ANXA11: variants seen among roughly 807,000 people sequenced by gnomAD.
ANXA11 encodes the protein annexin A11.
ANXA11 carries 57 observed loss-of-function variants against 64.7 expected under a neutral mutation model. That is an observed-to-expected ratio of 0.88 (90% CI 0.71 to 1.10). The LOEUF is 1.10. Among genes scored for constraint, ANXA11 ranks in the 50% least tolerant of loss-of-function variants. The pLI, the probability that ANXA11 is intolerant of heterozygous loss-of-function variation, is 0.00. For synonymous variants in ANXA11, 260 were observed against 265.2 expected (o/e 0.98, Z 0.19); for missense variants, 675 against 670.7 (o/e 1.01, Z -0.07).
chr10:80,166,038 GC>G, intron 8 of ANXA11, 45 bp downstream of exon 8: 1 of 557,396 alleles, frequency 1.8e-6, no homozygotes, highest in Non-Finnish European at 2.7e-6. Context: ...GCGCACACAC[GC>G]GCGCACACAC....
chr10:80,179,775 T>C (rs1459739085), intron 1 of ANXA11, among the ~76,000 whole-genome samples: 1 of 152,192 alleles, frequency 6.6e-6, no homozygotes, highest in East Asian at 1.9e-4. Flanking sequence ...GGATGCTAAA[T>C]TAAAATGCTA....
At chr10:80,197,860 C>T (rs1392508500) in intron 1 of ANXA11, among the ~76,000 whole-genome samples, 2 of 151,768 alleles carry the variant, frequency 1.3e-5, no homozygotes, top group Admixed American at 6.6e-5. Flanking sequence ...GGAGGCAGAG[C>T]TTGCAGTGAG....
intron 1 of ANXA11, among the ~76,000 whole-genome samples, chr10:80,193,313 C>T (rs1846848954): frequency 6.6e-6 from 1 of 152,092 alleles, no homozygotes; most frequent in South Asian, 2.1e-4. Context: ...AATTAAGAAA[C>T]AGTCATATAA....
chr10:80,159,208 C>T lies in ANXA11; in HGVS notation c.1181-13G>A. 6.2e-7 allele frequency: 1 copy of T among 1,608,214 alleles called. No homozygotes were observed. The highest frequency in any genetic ancestry group is 8.5e-7 in the Non-Finnish European group (1 of 1,174,740). On this transcript the variant is annotated splice_polypyrimidine_tract_variant and intron_variant, in intron 12 of 15. Transcript: ENST00000422982. ...TACTCATTGAAAACTATGGGGATGA[C>T]AGAGGCTTATATTATGAACTGAAAT...
chr10:80,186,641 C>T (rs72809515), intron 1 of ANXA11, among the ~76,000 whole-genome samples: 2,396 of 152,314 alleles, frequency 0.016, 26 homozygotes, highest in Non-Finnish European at 0.025. Context: ...TCCAACCCTG[C>T]GGGCACCAGA....
Position 80,153,453 on chromosome 10 carries a change from C to A in ANXA11, c.*2400G>T, listed in dbSNP as rs941235841. 1 of 152,262 alleles carries A rather than the reference C, an allele frequency of 6.6e-6. No individual in the cohort carries two copies. Among genetic ancestry groups the A allele is most frequent in the Non-Finnish European group, 1.5e-5 (1 of 68,064 alleles). 9.4% of individuals were successfully genotyped at this position (152,262 alleles called of 1,614,324 possible). A position where few individuals can be genotyped will look rare whatever the true frequency, so the allele number is the denominator to read the frequency against. On this transcript the variant is annotated 3_prime_UTR_variant, in exon 16 of 16. Transcript: ENST00000422982. ...TGTAGGTGCAATATTGCCTGCTGGG[C>A]ACCAGGCTGGGAACTTTGGAGTAAA...
At chr10:80,184,207 A>AT (rs1491304670) in intron 1 of ANXA11, among the ~76,000 whole-genome samples, 1 of 152,204 alleles carries the variant, frequency 6.6e-6, no homozygotes, top group Non-Finnish European at 1.5e-5. Context: ...GTAACTGTTC[A>AT]TATCTCTAAA....
intron 12 of ANXA11, among the ~76,000 whole-genome samples, chr10:80,160,414 G>A (rs1205283900): frequency 6.6e-6 from 1 of 152,198 alleles, no homozygotes; most frequent in Non-Finnish European, 1.5e-5. Flanking sequence ...CCCTGTGCCT[G>A]CTTTCACAGC....
intron 12 of ANXA11, 79 bp downstream of exon 12, chr10:80,161,856 G>T: frequency 7.9e-7 from 1 of 1,272,474 alleles, no homozygotes; most frequent in Non-Finnish European, 1.1e-6. Context: ...ACGACCAAGT[G>T]TTCCCATAGC....
In ANXA11 at chr10:80,163,614, C is replaced by G. The variant is rs1029971272; in HGVS notation, c.950-1G>C. Reference sequence around the variant, plus strand: ...GCCTCTTCCAGGGTCTTTTTGAATTCTGAAAGGGAGAAGCAAGGAAGGTCC... The same window carrying G: ...GCCTCTTCCAGGGTCTTTTTGAATTGTGAAAGGGAGAAGCAAGGAAGGTCC... On this transcript the variant is annotated splice_acceptor_variant, in intron 9 of 15. Coordinates refer to ENST00000422982, the MANE Select transcript of ANXA11 (RefSeq NM_145868.2). LOFTEE classifies it high-confidence loss of function. The G allele has an allele frequency of 6.4e-7, 1 of 1,552,370 alleles. No homozygotes were observed. Among genetic ancestry groups the G allele is most frequent in the African/African-American group, 1.4e-5 (1 of 73,246 alleles).
rs1480059528 is a variant in ANXA11, at chr10:80,157,990, C to T, written c.1312G>A (p.Glu438Lys). 1 of 1,614,016 alleles carries T rather than the reference C, an allele frequency of 6.2e-7. No individual in the cohort carries two copies. The highest frequency in any genetic ancestry group is 1.3e-5 in the African/African-American group (1 of 74,910). Residue 438 changes from glutamate to lysine, a missense_variant, in exon 14 of 16, where the codon GAG (glutamate) becomes AAG (lysine). Transcript: ENST00000422982. ...CLKNTPAFFAERLNKAMRGAG... is the reference protein window; with the variant it reads ...CLKNTPAFFAKRLNKAMRGAG... ...ACCCTCATGGCCTTGTTGAGCCTCT[C>T]CGCAAAGAAGGCTGGGGTATTCTTG... is the stretch of plus-strand genomic sequence containing the variant.
Position 80,164,055 on chromosome 10 carries a change from G to C in ANXA11, c.947C>G (p.Ala316Gly). 3 of 1,613,876 alleles carry C rather than the reference G, an allele frequency of 1.9e-6. 1 individual carries two copies. The highest frequency in any genetic ancestry group is 2.5e-6 in the Non-Finnish European group (3 of 1,179,780). ...GAGGGCAGAGGGAGCGGCCTCACCT[G>C]CTTTGTAGGCTCTGTTTAATTCTCG... ...HIRELNRAYK[A>G]EFKKTLEEAI... Residue 316 changes from alanine to glycine, a missense_variant and splice_region_variant, in exon 9 of 16, where the codon GCA (alanine) becomes GGA (glycine). Ala to Gly is a moderately conservative substitution (Grantham distance 60). Transcript: ENST00000422982.
chr10:80,203,507 G>A (rs1445381824), intron 1 of ANXA11, among the ~76,000 whole-genome samples: 1 of 152,080 alleles, frequency 6.6e-6, no homozygotes, highest in African/African-American at 2.4e-5. Flanking sequence ...ACTTCCCTGT[G>A]CTGTCTCTGT....
chr10:80,173,349 C>A (rs555615426), intron 2 of ANXA11, among the ~76,000 whole-genome samples: 1 of 152,354 alleles, frequency 6.6e-6, no homozygotes, highest in African/African-American at 2.4e-5. Context: ...CTTCATTCTC[C>A]AACCTCTGGT....
At chr10:80,171,511 TG>T in intron 3 of ANXA11, 1 of 663,562 alleles carries the variant, frequency 1.5e-6, no homozygotes, top group Non-Finnish European at 1.9e-6. Context: ...GTATGTGCCC[TG>T]GGGCAAGGCT....
chr10:80,157,274 G>T (rs927955655), intron 15 of ANXA11: 2 of 985,450 alleles, frequency 2.0e-6, no homozygotes, highest in Non-Finnish European at 2.4e-6. Context: ...GCTGAGTGCA[G>T]GAAGTGCTTT....
At chr10:80,161,431 T>A (rs1367023025) in intron 12 of ANXA11, among the ~76,000 whole-genome samples, 1 of 152,250 alleles carries the variant, frequency 6.6e-6, no homozygotes, top group Non-Finnish European at 1.5e-5. Context: ...ATACAGATTT[T>A]ATTTCATTGT....
chr10:80,203,062 A>G (rs1488656738), intron 1 of ANXA11, among the ~76,000 whole-genome samples: 1 of 151,568 alleles, frequency 6.6e-6, no homozygotes, highest in Admixed American at 6.6e-5. Context: ...AAAAAAAAAA[A>G]AAAGACAGCA....
At chr10:80,176,960 T>C (rs1003256582) in intron 1 of ANXA11, among the ~76,000 whole-genome samples, 1 of 150,626 alleles carries the variant, frequency 6.6e-6, no homozygotes, top group African/African-American at 2.5e-5. Flanking sequence ...CTGCCTGAAA[T>C]AGTTTCAAGC....
Sources: gnomAD v4.1 joint callset for allele counts (sites outside exome capture counted in the v4.1 genomes callset) on GRCh38, gnomAD v4.1.1 for gene constraint, MANE v1.5 for transcripts, NCBI Gene and HGNC (gene_info 2026-07-23, HGNC 2026-07-21) for gene names.